Variants in PODN observed in about 807,000 individuals in gnomAD.
PODN encodes the protein podocan proteoglycan.
PODN carries 40 observed loss-of-function variants against 52.7 expected under a neutral mutation model. That is an observed-to-expected ratio of 0.76 (90% confidence interval 0.59 to 0.99). PODN has a LOEUF of 0.99. Among genes scored for constraint, PODN ranks in the 50% least tolerant of loss-of-function variants. PODN has a pLI of 0.00. For missense variants in PODN, 720 were observed against 815.1 expected (o/e 0.88, Z 1.42); for synonymous variants, 396 against 377.9 (o/e 1.05, Z -0.56).
At position 53,075,938 on chromosome 1, in the gene PODN, A is replaced by G. The variant is rs1373840771; in HGVS notation, c.548A>G (p.Tyr183Cys). 3 of 1,602,876 alleles carry G rather than the reference A, an allele frequency of 1.9e-6. No homozygotes were observed. Among genetic ancestry groups the G allele is most frequent in the Admixed American group, 3.4e-5 (2 of 59,118 alleles). ...GCTGCCAACTATCTCACCAAGATCT[A>G]TGGGCTCACCTTTGGCCAGAAGCCA... ...DFAANYLTKI[Y>C]GLTFGQKPNL... The change falls in exon 5 of 11, where the codon TAT becomes TGT. Residue 183 changes from tyrosine to cysteine, a missense_variant. Coordinates refer to ENST00000312553, the MANE Select transcript of PODN (RefSeq NM_153703.5).
At chr1:53,068,453 C>T (rs1454102316) in intron 1 of PODN, among the ~76,000 whole-genome samples, 1 of 152,190 alleles carries the variant, frequency 6.6e-6, no homozygotes, top group South Asian at 2.1e-4. Context: ...AGGTCCTTGC[C>T]GCTGTCCCTG....
rs188585269 is a variant in PODN, at chr1:53,079,498, C to T, written c.1512+476C>T. 2.4e-3 allele frequency among the ~76,000 whole-genome samples: 369 copies of T among 152,208 alleles called. 1 individual carries two copies. Among genetic ancestry groups the T allele is most frequent in the African/African-American group, 8.0e-3 (334 of 41,516 alleles). On this transcript the variant is annotated intron_variant, in intron 8 of 10. Coordinates refer to ENST00000312553, the MANE Select transcript of PODN (RefSeq NM_153703.5). The stretch of plus-strand genomic sequence containing the variant: ...GAGTAGGTATGTGGAGAAGGCTGGG[C>T]TTTGGGATGGGAGGCAGAGGGGACA...
At position 53,077,442 on chromosome 1, in the gene PODN, A is replaced by G; in HGVS notation, c.738+96A>G. On this transcript the variant is annotated intron_variant, in intron 6 of 10. Coordinates refer to ENST00000312553, the MANE Select transcript of PODN (RefSeq NM_153703.5). ...GGGAAGAGCTCAGGCCCACATGGCC[A>G]CAGGTGCTGCCCAAGTGGGGCCCCG... The G allele has an allele frequency of 2.0e-6, 3 of 1,519,618 alleles. No homozygotes were observed. The South Asian group carries it at 3.9e-5, about 20-fold the overall frequency. The allele number at this position is 1,519,618 out of a possible 1,614,324, so 94.1% of individuals were successfully genotyped here. A position where few individuals can be genotyped will look rare whatever the true frequency, so the allele number is the denominator to read the frequency against.
Position 53,062,460 on chromosome 1 carries a change from GCACGGCCGGAGATC to G in PODN, c.-56+153_-56+166del, listed in dbSNP as rs561301204. 1.5e-3 allele frequency: 839 copies of G among 546,778 alleles called. 5 individuals are homozygous for G. The highest frequency in any genetic ancestry group is 0.013 in the Middle Eastern group (23 of 1,828). 33.9% of individuals were successfully genotyped at this position (546,778 alleles called of 1,614,324 possible). A position where few individuals can be genotyped will look rare whatever the true frequency, so the allele number is the denominator to read the frequency against. ...CCCTCTGTAGGACCCTGCACCCAGG[GCACGGCCGGAGATC>G]TCCTCCTCTGGAGTGCGACCCCTGC... On this transcript the variant is annotated intron_variant, in intron 1 of 10. Transcript: ENST00000312553.
chr1:53,067,063 T>C (rs1644044531), intron 1 of PODN, among the ~76,000 whole-genome samples: 1 of 152,132 alleles, frequency 6.6e-6, no homozygotes, highest in Non-Finnish European at 1.5e-5. Flanking sequence ...GCTATGGGAA[T>C]GATGGTCTGT....
At position 53,084,232 on chromosome 1, in the gene PODN, T is replaced by G. The variant is rs1015911593; in HGVS notation, c.*28-281T>G. On this transcript the variant is annotated intron_variant, in intron 10 of 10. Coordinates refer to ENST00000312553, the MANE Select transcript of PODN (RefSeq NM_153703.5). Reference sequence around the variant, plus strand: ...TCCAGTGGGGACACCACAGCCCTCATGAGGGGCTGTGGAGTCCTGGGGTGG... The same window carrying G: ...TCCAGTGGGGACACCACAGCCCTCAGGAGGGGCTGTGGAGTCCTGGGGTGG... 5.3e-5 allele frequency among the ~76,000 whole-genome samples: 8 copies of G among 151,678 alleles called. 1 individual carries two copies. Among genetic ancestry groups the G allele is most frequent in the African/African-American group, 1.9e-4 (8 of 41,242 alleles).
At chr1:53,066,442 G>A (rs949988208) in intron 1 of PODN, among the ~76,000 whole-genome samples, 1 of 151,796 alleles carries the variant, frequency 6.6e-6, no homozygotes, top group Non-Finnish European at 1.5e-5. Context: ...TTTTTTGTAC[G>A]ACATCTTTGA....
chr1:53,075,826 C>G lies in PODN; in HGVS notation c.472-36C>G, dbSNP rs891938146. The stretch of plus-strand genomic sequence containing the variant: ...GGACCCACAGCTGGCCTCTGCTCCT[C>G]CATTGCTCTTTCGGCCCCAACTCTT... On this transcript the variant is annotated intron_variant, in intron 4 of 10. Transcript: ENST00000312553. 3 of 1,538,806 alleles carry G rather than the reference C, an allele frequency of 1.9e-6. No individual in the cohort carries two copies. In the Admixed American group the frequency reaches 5.7e-5, roughly 29 times the overall value.
intron 2 of PODN, 113 bp downstream of exon 2, chr1:53,070,280 C>T (rs1572262023): frequency 1.1e-5 from 17 of 1,487,188 alleles, no homozygotes; most frequent in Middle Eastern, 4.2e-4. Flanking sequence ...CCAATATGTG[C>T]GGCTCTCCAC....
rs552093716 is a variant in PODN, at chr1:53,080,218, C to T, written c.1513-510C>T. On this transcript the variant is annotated intron_variant, in intron 8 of 10. Transcript: ENST00000312553. ...CACTGTGGGTCTCACACCGTTGCTC[C>T]TGACCTCTGCACGTGTGGCCCCTGA... Among the ~76,000 whole-genome samples, 6 of 152,326 alleles carry T rather than the reference C, an allele frequency of 3.9e-5. No individual in the cohort carries two copies. In the East Asian group the frequency reaches 1.2e-3, roughly 30 times the overall value.
chr1:53,077,683 A>G lies in PODN; in HGVS notation c.739-2A>G. ...TCTCCTCCCTTCCCTTCCATCCCCCAGAACAACAAGCTGGAGAAGATCCCC... is the reference window on the plus strand; with the variant it reads ...TCTCCTCCCTTCCCTTCCATCCCCCGGAACAACAAGCTGGAGAAGATCCCC... On this transcript the variant is annotated splice_acceptor_variant, in intron 6 of 10. Coordinates refer to ENST00000312553, the MANE Select transcript of PODN (RefSeq NM_153703.5). LOFTEE classifies it high-confidence loss of function. 6.2e-7 allele frequency: 1 copy of G among 1,611,636 alleles called. No individual in the cohort carries two copies.
intron 9 of PODN, 59 bp downstream of exon 9, chr1:53,080,935 G>A: frequency 1.3e-6 from 2 of 1,593,602 alleles, no homozygotes; most frequent in East Asian, 2.2e-5. Context: ...GGCTCCAACG[G>A]GACAGTTGAT....
intron 9 of PODN, 50 bp from the exon 10 acceptor site, chr1:53,081,931 G>A (rs752855372): frequency 6.5e-7 from 1 of 1,549,124 alleles, no homozygotes; most frequent in East Asian, 2.3e-5. Context: ...GGAAGGGAGG[G>A]TTCCTTGGGG....
At position 53,078,508 on chromosome 1, in the gene PODN, G is replaced by T. The variant is rs552867211; in HGVS notation, c.998G>T (p.Arg333Leu). Residue 333 changes from arginine to leucine, a missense_variant, in exon 8 of 11, where the codon CGC (arginine) becomes CTC (leucine). Transcript: ENST00000312553. ...SVDANVLTPI[R>L]SLEYLLLHSN... ...GACGCGAATGTGCTGACCCCCATCC[G>T]CAGCCTGGAGTACCTGCTGCTGCAC... 1 of 1,613,172 alleles carries T rather than the reference G, an allele frequency of 6.2e-7. No individual in the cohort carries two copies. The highest frequency in any genetic ancestry group is 8.5e-7 in the Non-Finnish European group (1 of 1,180,046).
chr1:53,084,188 G>C (rs561998209), intron 10 of PODN, among the ~76,000 whole-genome samples: 180 of 151,918 alleles, frequency 1.2e-3, no homozygotes, highest in African/African-American at 4.3e-3. Flanking sequence ...GTTGGGGTGG[G>C]TGACAGGGTG....
Position 53,078,897 on chromosome 1 carries a change from C to T in PODN, c.1387C>T (p.Leu463=), listed in dbSNP as rs556439206. 7 of 1,609,854 alleles carry T rather than the reference C, an allele frequency of 4.3e-6. No individual in the cohort carries two copies. The African/African-American group carries it at 6.7e-5, about 15-fold the overall frequency. ...TGTGCTGAAGGTCAAGCGCAATGAG[C>T]TGGCTGCCTTGGCACGAGGGGCGCT... ...VHVLKVKRNE[L]AALARGALVG... The change falls in exon 8 of 11, where the codon CTG becomes TTG. Residue 463 remains leucine, a synonymous_variant. Transcript: ENST00000312553.
chr1:53,066,855 A>C, intron 1 of PODN: 3 of 1,549,914 alleles, frequency 1.9e-6, no homozygotes, highest in Non-Finnish European at 2.6e-6. Flanking sequence ...GAGGAGGCAG[A>C]ACAGCCTGCC....
intron 3 of PODN, among the ~76,000 whole-genome samples, chr1:53,074,352 A>AG (rs1303210852): frequency 6.6e-6 from 1 of 152,208 alleles, no homozygotes; most frequent in African/African-American, 2.4e-5. Flanking sequence ...CTGACCTCTC[A>AG]GGGGTCATCC....
chr1:53,062,378 C>A (rs1643970434), intron 1 of PODN, 70 bp downstream of exon 1: 1 of 1,111,060 alleles, frequency 9.0e-7, no homozygotes, highest in South Asian at 4.6e-5. Context: ...ACTCAGACGT[C>A]CCCGCCTCTC....
Sources: allele counts gnomAD v4.1 joint callset (sites outside exome capture counted in the v4.1 genomes callset), GRCh38; gene constraint gnomAD v4.1.1; transcripts MANE v1.5; gene names NCBI Gene and HGNC (gene_info 2026-07-23, HGNC 2026-07-21).